CHD6: variants seen among roughly 807,000 people sequenced by gnomAD.
CHD6 encodes ATP-dependent chromatin remodeler CHD6.
A neutral mutation model predicts 276.9 loss-of-function variants in CHD6; 50 were observed. The observed-to-expected ratio is 0.18, with a 90% CI of 0.14 to 0.23. The LOEUF is 0.23. Among genes scored for constraint, CHD6 ranks in the 10% least tolerant of loss-of-function variants. The probability of loss-of-function intolerance (pLI) is 1.00; values close to 1 mark genes in which losing one functional copy is unlikely to be tolerated. For synonymous variants in CHD6, 1,173 were observed against 1,229.3 expected (o/e 0.95, Z 0.96); for missense variants, 2,564 against 3,365.8 (o/e 0.76, Z 5.89).
chr20:41,603,543 C>A (rs994650607), intron 1 of CHD6, among the ~76,000 whole-genome samples: 2 of 151,930 alleles, frequency 1.3e-5, no homozygotes, highest in Non-Finnish European at 1.5e-5. Flanking sequence ...CATTTCAAGG[C>A]ATTAAGGTTG....
intron 1 of CHD6, among the ~76,000 whole-genome samples, chr20:41,557,397 T>C (rs1227449984): frequency 6.6e-6 from 1 of 152,152 alleles, no homozygotes; most frequent in Non-Finnish European, 1.5e-5. Flanking sequence ...AAGAACATTT[T>C]GAAAGTTTTC....
intron 27 of CHD6, among the ~76,000 whole-genome samples, chr20:41,429,195 C>G (rs1160762113): frequency 6.6e-6 from 1 of 152,164 alleles, no homozygotes; most frequent in African/African-American, 2.4e-5. Context: ...TTACTTATTG[C>G]TATTTCTGTT....
intron 27 of CHD6, among the ~76,000 whole-genome samples, chr20:41,427,606 CAA>C (rs2047406051): frequency 6.6e-6 from 1 of 152,238 alleles, no homozygotes; most frequent in Non-Finnish European, 1.5e-5. Context: ...TAAAAAAGGA[CAA>C]GAGAGTCTTA....
rs1212747122 is a variant in CHD6 at position 41,421,469 on chromosome 20, C to T, written c.5166G>A (p.Glu1722=). 3 of 1,614,108 alleles carry T rather than the reference C, an allele frequency of 1.9e-6. No individual in the cohort carries two copies. The highest frequency in any genetic ancestry group is 2.5e-6 in the Non-Finnish European group (3 of 1,180,018). The change falls in exon 31 of 37, where the codon GAG becomes GAA. Residue 1722 remains glutamate, a synonymous_variant. Coordinates refer to ENST00000373233, the MANE Select transcript of CHD6 (RefSeq NM_032221.5). The stretch of plus-strand genomic sequence containing the variant: ...TAGATTCAGTATTGGTACTTGGGCT[C>T]TCCTGAAAAGAGCTTGGTTCTTGGC... The part of the protein sequence containing the change: ...VLSQEPSSFQ[E]SPSTNTESRK...
rs550310920 is a variant in CHD6, at chr20:41,494,861, G to A, written c.1093-917C>T. ...ACCCTTCAAGACCTGATTCACTGTC[G>A]AAACAGCTTTATCTCTACCTCTTTA... On this transcript the variant is annotated intron_variant, in intron 8 of 36. Coordinates refer to ENST00000373233, the MANE Select transcript of CHD6 (RefSeq NM_032221.5). Among the ~76,000 whole-genome samples the A allele has an allele frequency of 7.9e-5, 12 of 152,246 alleles. No individual in the cohort carries two copies. In the South Asian group the frequency reaches 8.3e-4, roughly 11 times the overall value.
At chr20:41,466,215 C>A (rs1347840229) in intron 17 of CHD6, among the ~76,000 whole-genome samples, 1 of 152,118 alleles carries the variant, frequency 6.6e-6, no homozygotes, top group African/African-American at 2.4e-5. Context: ...AAAACAAAAA[C>A]AAAAACACAC....
At chr20:41,412,952 A>G (rs1225047801) in intron 35 of CHD6, among the ~76,000 whole-genome samples, 1 of 152,210 alleles carries the variant, frequency 6.6e-6, no homozygotes, top group Non-Finnish European at 1.5e-5. Flanking sequence ...AATGGAACGT[A>G]TTAACTTGAA....
intron 2 of CHD6, among the ~76,000 whole-genome samples, chr20:41,549,681 TA>T (rs534125238): frequency 5.6e-4 from 81 of 144,350 alleles, no homozygotes; most frequent in African/African-American, 1.7e-3. Flanking sequence ...TTTGGGTCCA[TA>T]AAAAAAAAAG....
At chr20:41,615,547 T>C (rs1395219315) in intron 1 of CHD6, among the ~76,000 whole-genome samples, 2 of 152,172 alleles carry the variant, frequency 1.3e-5, no homozygotes, top group African/African-American at 4.8e-5. Flanking sequence ...TAAATATGTA[T>C]TAAAAACAAA....
At chr20:41,445,940 G>C (rs916540769) in intron 24 of CHD6, among the ~76,000 whole-genome samples, 172 bp from the exon 25 acceptor site, 3 of 152,242 alleles carry the variant, frequency 2.0e-5, no homozygotes, top group Non-Finnish European at 4.4e-5. Context: ...GAATCACTTA[G>C]GCAGTGATTT....
chr20:41,472,556 T>C (rs1249284881), intron 17 of CHD6, among the ~76,000 whole-genome samples: 1 of 152,218 alleles, frequency 6.6e-6, no homozygotes, highest in Non-Finnish European at 1.5e-5. Flanking sequence ...TTAATGATAA[T>C]GGCTGTAAAT....
At chr20:41,592,628 C>G (rs1486645570) in intron 1 of CHD6, among the ~76,000 whole-genome samples, 1 of 152,136 alleles carries the variant, frequency 6.6e-6, no homozygotes, top group Non-Finnish European at 1.5e-5. Context: ...TGCTGCTGTT[C>G]AAAGATTTAA....
intron 1 of CHD6, among the ~76,000 whole-genome samples, chr20:41,554,721 C>G (rs2045195869): frequency 6.6e-6 from 1 of 151,848 alleles, no homozygotes; most frequent in Non-Finnish European, 1.5e-5. Flanking sequence ...GGTCACAGAT[C>G]AACAGGATAA....
At chr20:41,439,497 GCA>G (rs2047831365) in intron 26 of CHD6, among the ~76,000 whole-genome samples, 1 of 151,936 alleles carries the variant, frequency 6.6e-6, no homozygotes, top group Non-Finnish European at 1.5e-5. Flanking sequence ...CTACTTTTTT[GCA>G]CACAGTCCAT....
chr20:41,433,135 T>C (rs1259902287), intron 27 of CHD6, among the ~76,000 whole-genome samples: 1 of 149,146 alleles, frequency 6.7e-6, no homozygotes, highest in Non-Finnish European at 1.5e-5. Flanking sequence ...TAACACAAGA[T>C]CTAATTTTCA....
chr20:41,590,602 T>C (rs1376772702), intron 1 of CHD6, among the ~76,000 whole-genome samples: 1 of 152,166 alleles, frequency 6.6e-6, no homozygotes, highest in Non-Finnish European at 1.5e-5. Flanking sequence ...AAAAGACTCA[T>C]GAAAAAATGC....
chr20:41,447,466 C>T (rs190289651), intron 24 of CHD6, among the ~76,000 whole-genome samples: 9 of 152,154 alleles, frequency 5.9e-5, no homozygotes, highest in African/African-American at 2.2e-4. Context: ...GAATAGGCCG[C>T]ACATATTATT....
intron 11 of CHD6, among the ~76,000 whole-genome samples, chr20:41,490,510 TA>T (rs1237806384): frequency 6.6e-6 from 1 of 152,146 alleles, no homozygotes; most frequent in Non-Finnish European, 1.5e-5. Flanking sequence ...GAGCAAAATA[TA>T]GATTAAAAGT....
At chr20:41,516,785 G>C (rs1473131242) in intron 3 of CHD6, among the ~76,000 whole-genome samples, 1 of 152,158 alleles carries the variant, frequency 6.6e-6, no homozygotes, top group Admixed American at 6.5e-5. Context: ...AAAGGGCCAT[G>C]AAAGCAGGTC....
Sources: allele counts gnomAD v4.1 joint callset (sites outside exome capture counted in the v4.1 genomes callset), GRCh38; gene constraint gnomAD v4.1.1; transcripts MANE v1.5; gene names NCBI Gene and HGNC (gene_info 2026-07-23, HGNC 2026-07-21).